Variants in VDR observed in about 807,000 individuals in gnomAD.
VDR encodes vitamin D3 receptor.
VDR carries 19 observed loss-of-function variants against 39.7 expected under a neutral mutation model. The ratio of observed to expected loss-of-function variants is 0.48; its 90% CI spans 0.33 to 0.70. The LOEUF is 0.70. Among genes scored for constraint, VDR ranks in the 30% least tolerant of loss-of-function variants. VDR has a pLI of 0.02. For missense variants in VDR, 442 were observed against 570.5 expected, an observed-to-expected ratio of 0.77 and a Z score of 2.29; for synonymous variants, 242 against 215.8, an observed-to-expected ratio of 1.12 and a Z score of -1.07.
intron 3 of VDR, among the ~76,000 whole-genome samples, chr12:47,876,918 CA>C: frequency 6.6e-6 from 1 of 152,306 alleles, no homozygotes; most frequent in East Asian, 1.9e-4. Flanking sequence ...AGCTGAATCT[CA>C]GGGGGGAGGA....
At chr12:47,850,216 T>C (rs879371148) in intron 7 of VDR, among the ~76,000 whole-genome samples, 4 of 152,214 alleles carry the variant, frequency 2.6e-5, no homozygotes, top group Non-Finnish European at 4.4e-5. Flanking sequence ...AGAGGGAGTA[T>C]ACATTTAACA....
At chr12:47,879,761 T>TC (rs961997154) in intron 2 of VDR, among the ~76,000 whole-genome samples, 61 of 151,606 alleles carry the variant, frequency 4.0e-4, no homozygotes, top group African/African-American at 1.0e-3. Flanking sequence ...TCAAGATATT[T>TC]CCCCCCCCTT....
chr12:47,884,986 T>A (rs1365845541), intron 1 of VDR, among the ~76,000 whole-genome samples: 1 of 152,026 alleles, frequency 6.6e-6, no homozygotes, highest in Admixed American at 6.5e-5. Flanking sequence ...TGCAAGCCTA[T>A]AGGAAAGTGG....
intron 2 of VDR, 49 bp from the exon 3 acceptor site, chr12:47,879,164 G>C: frequency 6.3e-7 from 1 of 1,592,938 alleles, no homozygotes; most frequent in African/African-American, 1.3e-5. Context: ...TCAGTGCCAG[G>C]GCCAGCTGGC....
rs748790699 is a variant in VDR, at chr12:47,846,284, C to T, written c.1024+51G>A. On this transcript the variant is annotated intron_variant, in intron 9 of 9. Coordinates refer to ENST00000549336, the MANE Select transcript of VDR (RefSeq NM_000376.3). ...TGGCCCTCAGCAGGTCTTTGTCCTT[C>T]ATACTCCCCGCTCCCCAGGTCCCTG... The T allele has an allele frequency of 3.9e-6, 6 of 1,552,204 alleles. No homozygotes were observed. In the East Asian group the frequency reaches 1.1e-4, roughly 29 times the overall value.
At chr12:47,869,199 G>T (rs1006474955) in intron 3 of VDR, among the ~76,000 whole-genome samples, 12 of 152,192 alleles carry the variant, frequency 7.9e-5, no homozygotes, top group African/African-American at 2.9e-4. Flanking sequence ...GTTGGAGATT[G>T]CCACTCAGCC....
intron 1 of VDR, among the ~76,000 whole-genome samples, chr12:47,892,670 A>G (rs1441745563): frequency 6.6e-6 from 1 of 152,122 alleles, no homozygotes; most frequent in Non-Finnish European, 1.5e-5. Flanking sequence ...AGTGGTGAGC[A>G]AGACATAGAC....
At position 47,857,619 on chromosome 12, in the gene VDR, A is replaced by C; in HGVS notation, c.347T>G (p.Leu116Trp). The stretch of plus-strand genomic sequence containing the variant: ...CAGCTTGGGCCGCAGACTGTCCTTC[A>C]AGGCCTCCTCCTCCTTCCGCTTCAG... ...MILKRKEEEA[L>W]KDSLRPKLSE... The change falls in exon 5 of 10, where the codon TTG becomes TGG. Residue 116 changes from leucine (L) to tryptophan (W), a missense_variant. By Grantham distance (61) the Leu-to-Trp change is moderately conservative. This residue lies in a region of VDR where 46 missense variants were observed against 82.0 expected (regional missense o/e 0.56). Transcript: ENST00000549336. The C allele has an allele frequency of 6.2e-7, 1 of 1,614,106 alleles. No homozygotes were observed. The highest frequency in any genetic ancestry group is 8.5e-7 in the Non-Finnish European group (1 of 1,180,028).
intron 1 of VDR, among the ~76,000 whole-genome samples, chr12:47,884,433 G>A (rs1428786025): frequency 6.6e-6 from 1 of 152,142 alleles, no homozygotes; most frequent in Non-Finnish European, 1.5e-5. Flanking sequence ...GTGGTTCCTG[G>A]GGCCAAATGA....
rs1006043123 is a variant in VDR, at chr12:47,850,569, C to T, written c.756-3761G>A. Reference sequence around the variant, plus strand: ...TGCTGCTAGGAACACAAACCCAAAACGACCCCAAATGACTGCCCACAGCCT... The same window carrying T: ...TGCTGCTAGGAACACAAACCCAAAATGACCCCAAATGACTGCCCACAGCCT... On this transcript the variant is annotated intron_variant, in intron 7 of 9. Transcript: ENST00000549336. Among the ~76,000 whole-genome samples, 9 of 152,250 alleles carry T rather than the reference C, an allele frequency of 5.9e-5. 1 individual carries two copies. The highest frequency in any genetic ancestry group is 8.8e-5 in the Non-Finnish European group (6 of 68,020).
In VDR at chr12:47,842,941, T is replaced by A. The variant is rs886049426; in HGVS notation, c.*1805A>T. 6.6e-6 allele frequency: 1 copy of A among 152,090 alleles called. No homozygotes were observed. Among genetic ancestry groups the A allele is most frequent in the Non-Finnish European group, 1.5e-5 (1 of 68,036 alleles). The allele number at this position is 152,090 out of a possible 1,614,324, so 9.4% of individuals were successfully genotyped here. A position where few individuals can be genotyped will look rare whatever the true frequency, so the allele number is the denominator to read the frequency against. On this transcript the variant is annotated 3_prime_UTR_variant, in exon 10 of 10. Transcript: ENST00000549336. Reference sequence around the variant, plus strand: ...GCAGCTAAAATCAAACAAGGGTCTCTCCCTAGACCCTTGTAAAATAACAAC... The same window carrying A: ...GCAGCTAAAATCAAACAAGGGTCTCACCCTAGACCCTTGTAAAATAACAAC...
Position 47,846,769 on chromosome 12 carries a change from T to G in VDR, c.795A>C (p.Ser265=). 1 of 1,614,150 alleles carries G rather than the reference T, an allele frequency of 6.2e-7. No homozygotes were observed. The highest frequency in any genetic ancestry group is 8.5e-7 in the Non-Finnish European group (1 of 1,180,038). ...TSEDQIVLLK[S]SAIEVIMLRS... is the part of the protein sequence containing the mutation. The stretch of plus-strand genomic sequence containing the variant: ...GCAACATGATGACCTCAATGGCACT[T>G]GACTTCAGCAGTACGATCTGGTCCT... The change falls in exon 8 of 10, where the codon TCA becomes TCC. Residue 265 remains serine, a synonymous_variant. Transcript: ENST00000549336.
intron 1 of VDR, among the ~76,000 whole-genome samples, chr12:47,902,169 C>T (rs1301004865): frequency 6.6e-6 from 1 of 152,206 alleles, no homozygotes; most frequent in East Asian, 1.9e-4. Flanking sequence ...TGTCCATTGT[C>T]CTGGTATAAC....
chr12:47,862,360 G>A (rs1283817147), intron 4 of VDR, among the ~76,000 whole-genome samples: 1 of 152,238 alleles, frequency 6.6e-6, no homozygotes, highest in Non-Finnish European at 1.5e-5. Flanking sequence ...CCTCGGGTGT[G>A]GCCCACAAGC....
intron 4 of VDR, among the ~76,000 whole-genome samples, chr12:47,858,581 T>TG (rs1945545425): frequency 6.6e-6 from 1 of 152,222 alleles, no homozygotes; most frequent in African/African-American, 2.4e-5. Context: ...CTCCCTGTGC[T>TG]GGGGCAGCTG....
At chr12:47,848,525 T>TTCTGC (rs1335398474) in intron 7 of VDR, among the ~76,000 whole-genome samples, 1 of 150,440 alleles carries the variant, frequency 6.6e-6, no homozygotes, top group Non-Finnish European at 1.5e-5. Flanking sequence ...TCTCCTCCAG[T>TTCTGC]TCTGCTCTTT....
intron 7 of VDR, 55 bp downstream of exon 7, chr12:47,855,575 G>A (rs2137141677): frequency 6.2e-7 from 1 of 1,600,344 alleles, no homozygotes; most frequent in Non-Finnish European, 8.6e-7. Context: ...AACCCTTCTT[G>A]TAGCTCAGTC....
intron 7 of VDR, 97 bp downstream of exon 7, chr12:47,855,529 AAAAT>A: frequency 7.0e-7 from 1 of 1,427,136 alleles, no homozygotes. Flanking sequence ...AAAAAAATAA[AAAAT>A]AAAAAAAAGA....
rs534724273 is a variant in VDR, at chr12:47,890,485, A to C, written c.-83-7711T>G. Among the ~76,000 whole-genome samples, 8 of 151,760 alleles carry C rather than the reference A, an allele frequency of 5.3e-5. No homozygotes were observed. In the South Asian group the frequency reaches 1.7e-3, roughly 32 times the overall value. On this transcript the variant is annotated intron_variant, in intron 1 of 9. Transcript: ENST00000549336. ...TCAGGGAGGAAACGGTTGTCACGTC[A>C]CCAGGCAGGTTACATTCATCTTCCA...
Sources: gnomAD v4.1 joint callset for allele counts (sites outside exome capture counted in the v4.1 genomes callset) on GRCh38, gnomAD v4.1.1 for gene constraint, gnomAD v4.1.1 regional missense constraint, MANE v1.5 for transcripts, NCBI Gene and HGNC (gene_info 2026-07-23, HGNC 2026-07-21) for gene names.